The following SORCS2 variants were observed in gnomAD, a reference collection of about 807,000 sequenced individuals.
The protein encoded by SORCS2 is sortilin related VPS10 domain containing receptor 2.
SORCS2 carries 100 observed loss-of-function variants against 141.6 expected under a neutral mutation model. The observed-to-expected ratio is 0.71, with a 90% CI of 0.60 to 0.83. The LOEUF is 0.83. SORCS2 is among the 40% of genes least tolerant of loss of function. The pLI, the probability that SORCS2 is intolerant of heterozygous loss-of-function variation, is 0.00. For missense variants in SORCS2, 1,646 were observed against 1,560.2 expected (o/e 1.05, Z -0.93); for synonymous variants, 789 against 676.9 (o/e 1.17, Z -2.57).
intron 1 of SORCS2, among the ~76,000 whole-genome samples, chr4:7,243,155 G>C (rs1320601207): frequency 2.0e-5 from 3 of 152,180 alleles, no homozygotes; most frequent in Non-Finnish European, 2.9e-5. Context: ...ACAAGCTCTG[G>C]GGGATTGCAC....
chr4:7,354,611 C>G (rs1371919225), intron 1 of SORCS2, among the ~76,000 whole-genome samples: 1 of 152,208 alleles, frequency 6.6e-6, no homozygotes, highest in Non-Finnish European at 1.5e-5. Flanking sequence ...GCAAAAGCAC[C>G]AGAGGCCATC....
chr4:7,661,377 C>T (rs1577911346), intron 5 of SORCS2, 123 bp from the exon 6 acceptor site: 3 of 978,260 alleles, frequency 3.1e-6, no homozygotes, highest in East Asian at 2.6e-5. Flanking sequence ...GCCCTCCGGA[C>T]CCACAGAGCA....
At chr4:7,277,888 C>T (rs1715610256) in intron 1 of SORCS2, among the ~76,000 whole-genome samples, 1 of 152,176 alleles carries the variant, frequency 6.6e-6, no homozygotes, top group South Asian at 2.1e-4. Context: ...TTCTGCAGCT[C>T]TGCAGAGTTC....
chr4:7,712,961 C>T (rs1021083087), intron 15 of SORCS2, 108 bp downstream of exon 15: 1 of 1,468,508 alleles, frequency 6.8e-7, no homozygotes, highest in African/African-American at 1.4e-5. Flanking sequence ...CACCTCCCCG[C>T]CTCCAAGAAG....
intron 1 of SORCS2, among the ~76,000 whole-genome samples, chr4:7,374,128 C>CT (rs1722461652): frequency 3.1e-4 from 4 of 12,786 alleles, no homozygotes; most frequent in Non-Finnish European, 7.0e-4. Context: ...TCTTTCTTTC[C>CT]CTCTTTCTTT....
chr4:7,651,669 C>T (rs1206737075), intron 4 of SORCS2, among the ~76,000 whole-genome samples: 1 of 152,230 alleles, frequency 6.6e-6, no homozygotes, highest in Non-Finnish European at 1.5e-5. Context: ...GACAGGGGAG[C>T]CGCTCCAGTT....
intron 2 of SORCS2, among the ~76,000 whole-genome samples, chr4:7,436,778 A>G (rs1420787304): frequency 2.0e-5 from 3 of 152,342 alleles, no homozygotes; most frequent in African/African-American, 7.2e-5. Flanking sequence ...CCTTTGGAAC[A>G]ATTCCACTTG....
intron 3 of SORCS2, among the ~76,000 whole-genome samples, chr4:7,613,599 A>G (rs1295574190): frequency 6.6e-6 from 1 of 152,186 alleles, no homozygotes; most frequent in East Asian, 1.9e-4. Context: ...TGCACCTCAC[A>G]TGGCTCACCA....
intron 2 of SORCS2, among the ~76,000 whole-genome samples, chr4:7,407,719 G>T (rs373044504): frequency 4.3e-4 from 66 of 152,104 alleles, no homozygotes; most frequent in African/African-American, 1.6e-3. Context: ...TTGCCATTTT[G>T]TTGCTTGTTT....
chr4:7,272,200 G>A (rs1715190977), intron 1 of SORCS2, among the ~76,000 whole-genome samples: 1 of 152,170 alleles, frequency 6.6e-6, no homozygotes, highest in South Asian at 2.1e-4. Context: ...GTATTAAAAG[G>A]CTGCGGCAAG....
chr4:7,629,059 GT>G (rs1325955194), intron 3 of SORCS2, among the ~76,000 whole-genome samples: 1 of 152,102 alleles, frequency 6.6e-6, no homozygotes, highest in African/African-American at 2.4e-5. Flanking sequence ...GTCATCTGGA[GT>G]TCCCTTCCCT....
At chr4:7,720,939 A>C (rs1726545380) in intron 18 of SORCS2, among the ~76,000 whole-genome samples, 1 of 152,246 alleles carries the variant, frequency 6.6e-6, no homozygotes, top group Admixed American at 6.5e-5. Flanking sequence ...CAGTTTCTTA[A>C]CGAACTCAAC....
At chr4:7,502,143 G>A (rs1036907846) in intron 2 of SORCS2, among the ~76,000 whole-genome samples, 10 of 152,246 alleles carry the variant, frequency 6.6e-5, no homozygotes, top group African/African-American at 2.4e-4. Context: ...TCATTTCATG[G>A]CTGGGGCCAT....
At chr4:7,456,646 G>T (rs1272594408) in intron 2 of SORCS2, among the ~76,000 whole-genome samples, 1 of 152,200 alleles carries the variant, frequency 6.6e-6, no homozygotes, top group East Asian at 1.9e-4. Context: ...GGTAACGCAG[G>T]AAGGGGCTGT....
chr4:7,728,238 A>T, intron 21 of SORCS2, 112 bp from the exon 22 acceptor site: 1 of 677,312 alleles, frequency 1.5e-6, no homozygotes, highest in Non-Finnish European at 2.5e-6. Flanking sequence ...GATCTGAATC[A>T]AAGGCCTCCC....
At chr4:7,653,183 C>A (rs1721547050) in intron 4 of SORCS2, among the ~76,000 whole-genome samples, 2 of 152,214 alleles carry the variant, frequency 1.3e-5, no homozygotes, top group African/African-American at 4.8e-5. Context: ...GGAGCCTGGG[C>A]AATCAGCCCA....
intron 4 of SORCS2, among the ~76,000 whole-genome samples, chr4:7,651,969 C>T (rs929033279): frequency 6.6e-6 from 1 of 152,172 alleles, no homozygotes; most frequent in Non-Finnish European, 1.5e-5. Context: ...GGGAAGGGAG[C>T]GGAGAATAGG....
intron 3 of SORCS2, among the ~76,000 whole-genome samples, chr4:7,553,726 A>G (rs1003463874): frequency 1.3e-5 from 2 of 152,254 alleles, no homozygotes; most frequent in African/African-American, 4.8e-5. Context: ...CCCAGCACAC[A>G]TATCAAAAAC....
chr4:7,528,934 G>A (rs555293498), intron 2 of SORCS2, among the ~76,000 whole-genome samples: 8 of 152,256 alleles, frequency 5.3e-5, no homozygotes, highest in East Asian at 1.9e-4. Flanking sequence ...CTTGGCCTGC[G>A]GCCACATCAC....
Sources: allele counts gnomAD v4.1 joint callset (sites outside exome capture counted in the v4.1 genomes callset), GRCh38; gene constraint gnomAD v4.1.1; transcripts MANE v1.5; gene names NCBI Gene and HGNC (gene_info 2026-07-23, HGNC 2026-07-21).